The following SMPD3 variants were observed in gnomAD, a reference collection of about 807,000 sequenced individuals.
The protein encoded by SMPD3 is sphingomyelin phosphodiesterase 3.
Under a neutral mutation model 55.7 loss-of-function variants are expected in SMPD3, and 21 were observed. That is an observed-to-expected ratio of 0.38 (90% confidence interval 0.27 to 0.54). The LOEUF is 0.54. Ranked by LOEUF, SMPD3 falls within the 20% of genes least tolerant of loss-of-function variation. SMPD3 has a pLI of 0.80. For missense variants in SMPD3, 842 were observed against 899.6 expected (o/e 0.94, Z 0.82); for synonymous variants, 457 against 404.3 (o/e 1.13, Z -1.56).
At chr16:68,397,786 C>T (rs2090171909) in intron 1 of SMPD3, among the ~76,000 whole-genome samples, 1 of 152,170 alleles carries the variant, frequency 6.6e-6, no homozygotes, top group South Asian at 2.1e-4. Context: ...GGGGTGGTCT[C>T]TTCAGGAAGC....
intron 1 of SMPD3, among the ~76,000 whole-genome samples, chr16:68,407,769 G>A (rs1223586108): frequency 6.6e-6 from 1 of 152,110 alleles, no homozygotes; most frequent in African/African-American, 2.4e-5. Flanking sequence ...GTTTGGGCTG[G>A]TGTGCGAACT....
rs905593575 is a variant in SMPD3 at position 68,364,132 on chromosome 16, G to A, written c.1556-266C>T. 4.6e-5 allele frequency among the ~76,000 whole-genome samples: 7 copies of A among 152,188 alleles called. No individual in the cohort carries two copies. In the East Asian group the frequency reaches 5.8e-4, roughly 13 times the overall value. On this transcript the variant is annotated intron_variant, in intron 5 of 8. Transcript: ENST00000219334. ...GACAGTGACAGTGACCACGGTCCTC[G>A]GACAGAGGAAGGAAGGTCCCCACAA...
chr16:68,362,885 T>C (rs947129564), intron 7 of SMPD3, among the ~76,000 whole-genome samples: 1 of 152,346 alleles, frequency 6.6e-6, no homozygotes, highest in East Asian at 1.9e-4. Context: ...TAGTCTATAA[T>C]CTAATTAATT....
chr16:68,377,548 C>CA (rs1056419031), intron 2 of SMPD3, among the ~76,000 whole-genome samples: 39 of 152,330 alleles, frequency 2.6e-4, no homozygotes, highest in African/African-American at 9.1e-4. Context: ...CAGAGGCCTG[C>CA]ACTGAGCCAG....
At chr16:68,405,575 A>G (rs1294572837) in intron 1 of SMPD3, among the ~76,000 whole-genome samples, 2 of 151,826 alleles carry the variant, frequency 1.3e-5, no homozygotes, top group Non-Finnish European at 2.9e-5. Flanking sequence ...AAAGAAAAGA[A>G]AAGAAAATAC....
intron 1 of SMPD3, among the ~76,000 whole-genome samples, chr16:68,405,847 C>A (rs1166017908): frequency 6.6e-6 from 1 of 152,158 alleles, no homozygotes; most frequent in East Asian, 1.9e-4. Flanking sequence ...TGGGTGCATG[C>A]ACCTCTCAGC....
In SMPD3 at chr16:68,361,462, C is replaced by T. The variant is rs2089261716; in HGVS notation, c.1866+141G>A. 10 of 1,419,208 alleles carry T rather than the reference C, an allele frequency of 7.0e-6. No individual in the cohort carries two copies. The South Asian group carries it at 1.0e-4, about 15-fold the overall frequency. 87.9% of individuals were successfully genotyped at this position (1,419,208 alleles called of 1,614,324 possible). A position where few individuals can be genotyped will look rare whatever the true frequency, so the allele number is the denominator to read the frequency against. The stretch of plus-strand genomic sequence containing the variant: ...GATGGGGCCTGGAGGACCTGGGGCC[C>T]TAAGGGTCTGAGGGAGTGATGGGTA... On this transcript the variant is annotated intron_variant, in intron 8 of 8. Coordinates refer to ENST00000219334, the MANE Select transcript of SMPD3 (RefSeq NM_018667.4).
chr16:68,422,648 G>A (rs1195150145), intron 1 of SMPD3, among the ~76,000 whole-genome samples: 1 of 152,178 alleles, frequency 6.6e-6, no homozygotes, highest in Non-Finnish European at 1.5e-5. Flanking sequence ...TGGAGAAAAG[G>A]GGAGGGAATT....
chr16:68,416,880 C>G (rs917068428), intron 1 of SMPD3, among the ~76,000 whole-genome samples: 1 of 152,096 alleles, frequency 6.6e-6, no homozygotes, highest in African/African-American at 2.4e-5. Flanking sequence ...GCCCGTGTCG[C>G]TGGAAGATGC....
intron 1 of SMPD3, among the ~76,000 whole-genome samples, chr16:68,431,907 G>T (rs1435733605): frequency 6.6e-6 from 1 of 152,100 alleles, no homozygotes; most frequent in East Asian, 1.9e-4. Flanking sequence ...GGGCAACAGA[G>T]CAAGACTCTG....
intron 1 of SMPD3, among the ~76,000 whole-genome samples, chr16:68,388,727 A>T (rs750590854): frequency 6.6e-6 from 1 of 151,986 alleles, no homozygotes; most frequent in Non-Finnish European, 1.5e-5. Context: ...AGAACTGACT[A>T]TTTAGGGAGG....
Position 68,361,140 on chromosome 16 carries a change from G to C in SMPD3, c.*66C>G. 3 of 1,459,050 alleles carry C rather than the reference G, an allele frequency of 2.1e-6. No individual in the cohort carries two copies. Among genetic ancestry groups the C allele is most frequent in the Non-Finnish European group, 2.8e-6 (3 of 1,053,970 alleles). 90.4% of individuals were successfully genotyped at this position (1,459,050 alleles called of 1,614,324 possible). On this transcript the variant is annotated 3_prime_UTR_variant, in exon 9 of 9. Transcript: ENST00000219334. ...CCCCAAGCACCGGGCACTCGATGGA[G>C]GGGACATGGCCCAGGGATGGGCTGC...
chr16:68,386,082 C>T (rs1044337320), intron 2 of SMPD3, among the ~76,000 whole-genome samples: 3 of 151,992 alleles, frequency 2.0e-5, no homozygotes, highest in South Asian at 2.1e-4. Context: ...ATTAGCCAGG[C>T]GTGGTGGTGT....
chr16:68,437,540 A>T (rs1183476481), intron 1 of SMPD3, among the ~76,000 whole-genome samples: 2 of 152,230 alleles, frequency 1.3e-5, no homozygotes, highest in Non-Finnish European at 2.9e-5. Context: ...CCTTGCACTC[A>T]TCCTTCCAGA....
At chr16:68,387,650 C>A (rs1447117597) in intron 1 of SMPD3, among the ~76,000 whole-genome samples, 2 of 152,246 alleles carry the variant, frequency 1.3e-5, no homozygotes, top group African/African-American at 4.8e-5. Flanking sequence ...CAGCAGCCCC[C>A]TGCCCAATGC....
intron 3 of SMPD3, 112 bp from the exon 4 acceptor site, chr16:68,365,204 C>G: frequency 9.1e-7 from 1 of 1,093,638 alleles, no homozygotes; most frequent in Non-Finnish European, 1.4e-6. Flanking sequence ...AAGCCTGGCT[C>G]CTGGCTGGAT....
At chr16:68,444,784 G>A (rs148446832) in intron 1 of SMPD3, among the ~76,000 whole-genome samples, 313 of 152,300 alleles carry the variant, frequency 2.1e-3, no homozygotes, top group Non-Finnish European at 1.9e-3. Context: ...AATTTATGAG[G>A]CAATTTAGCT....
rs775558692 is a variant in SMPD3 at position 68,361,811 on chromosome 16, C to G, written c.1710-52G>C. The G allele has an allele frequency of 1.8e-5, 26 of 1,467,522 alleles. No individual in the cohort carries two copies. In the South Asian group the frequency reaches 2.4e-4, roughly 13 times the overall value. The allele number at this position is 1,467,522 out of a possible 1,614,324, so 90.9% of individuals were successfully genotyped here. A position where few individuals can be genotyped will look rare whatever the true frequency, so the allele number is the denominator to read the frequency against. On this transcript the variant is annotated intron_variant, in intron 7 of 8. Coordinates refer to ENST00000219334, the MANE Select transcript of SMPD3 (RefSeq NM_018667.4). ...GGCCCCCATGCCCGCCCCTGTGGGC[C>G]TGGCAGGGGCTGTGTGTGGAGCCAT...
At chr16:68,419,040 C>A (rs188623909) in intron 1 of SMPD3, among the ~76,000 whole-genome samples, 6 of 152,098 alleles carry the variant, frequency 3.9e-5, no homozygotes, top group Admixed American at 3.3e-4. Flanking sequence ...AGGGCAGGCC[C>A]CAGTATGGTC....
Sources: gnomAD v4.1 joint callset for allele counts (sites outside exome capture counted in the v4.1 genomes callset) on GRCh38, gnomAD v4.1.1 for gene constraint, MANE v1.5 for transcripts, NCBI Gene and HGNC (gene_info 2026-07-23, HGNC 2026-07-21) for gene names.